The following SBF2 variants were observed in gnomAD, a reference collection of about 807,000 sequenced individuals.
SBF2 encodes the protein myotubularin-related protein 13.
SBF2 carries 112 observed loss-of-function variants against 225.2 expected under a neutral mutation model. The observed-to-expected ratio is 0.50, with a 90% confidence interval of 0.43 to 0.58. The LOEUF (loss-of-function observed/expected upper bound fraction) is 0.58, where lower values mean the gene tolerates loss of function less well. Among genes scored for constraint, SBF2 ranks in the 20% least tolerant of loss-of-function variants. The pLI is 0.00. For missense variants in SBF2, 1,996 were observed against 2,206.2 expected, an observed-to-expected ratio of 0.90 and a Z score of 1.91; for synonymous variants, 763 against 773.3, an observed-to-expected ratio of 0.99 and a Z score of 0.22.
intron 2 of SBF2, among the ~76,000 whole-genome samples, chr11:10,074,556 G>A (rs562031787): frequency 1.3e-5 from 2 of 152,088 alleles, no homozygotes; most frequent in African/African-American, 2.4e-5. Context: ...CAAAGTCTGT[G>A]ATAGCTATAT....
chr11:9,784,143 G>A (rs1484503818), intron 38 of SBF2, among the ~76,000 whole-genome samples: 1 of 152,136 alleles, frequency 6.6e-6, no homozygotes, highest in Non-Finnish European at 1.5e-5. Flanking sequence ...CATGTACCAG[G>A]CCGAGCTACT....
chr11:10,220,092 A>G (rs190261859), intron 1 of SBF2, among the ~76,000 whole-genome samples: 1 of 152,336 alleles, frequency 6.6e-6, no homozygotes, highest in East Asian at 1.9e-4. Context: ...TTTAAAAAGG[A>G]AAGAAGTTTA....
At chr11:10,143,503 T>C (rs1356650320) in intron 2 of SBF2, among the ~76,000 whole-genome samples, 3 of 152,166 alleles carry the variant, frequency 2.0e-5, no homozygotes, top group Non-Finnish European at 4.4e-5. Flanking sequence ...CTGTGTGATA[T>C]AATCCCATGA....
chr11:10,259,119 T>C (rs1474097953), intron 1 of SBF2, among the ~76,000 whole-genome samples: 2 of 152,182 alleles, frequency 1.3e-5, no homozygotes, highest in Non-Finnish European at 2.9e-5. Context: ...TGTCTTTTCC[T>C]TGCAACCAAC....
At chr11:9,963,181 T>C (rs1410026816) in intron 15 of SBF2, among the ~76,000 whole-genome samples, 1 of 152,198 alleles carries the variant, frequency 6.6e-6, no homozygotes, top group African/African-American at 2.4e-5. Context: ...ATGTTAAGTT[T>C]TGGCCAAGCA....
At chr11:10,280,631 C>G (rs895549050) in intron 1 of SBF2, among the ~76,000 whole-genome samples, 1 of 152,214 alleles carries the variant, frequency 6.6e-6, no homozygotes, top group Admixed American at 6.5e-5. Flanking sequence ...AACAAATCAT[C>G]TTAATATGCT....
At chr11:9,865,831 T>C (rs535309628) in intron 17 of SBF2, among the ~76,000 whole-genome samples, 1 of 151,940 alleles carries the variant, frequency 6.6e-6, no homozygotes, top group South Asian at 2.1e-4. Context: ...GTTTGGCTTA[T>C]AGAGTCTTGT....
At chr11:9,897,268 GCT>G (rs1861340393) in intron 16 of SBF2, among the ~76,000 whole-genome samples, 2 of 151,764 alleles carry the variant, frequency 1.3e-5, no homozygotes, top group African/African-American at 2.4e-5. Flanking sequence ...ACAGAGTCTT[GCT>G]CTGTCACCCA....
chr11:9,950,675 C>G (rs927667866), intron 16 of SBF2, among the ~76,000 whole-genome samples: 2 of 152,110 alleles, frequency 1.3e-5, no homozygotes, highest in African/African-American at 4.8e-5. Context: ...TCAACATGTC[C>G]GTCAACATTC....
chr11:10,150,925 CTAATA>C (rs1357770088), intron 2 of SBF2, among the ~76,000 whole-genome samples: 2 of 152,016 alleles, frequency 1.3e-5, no homozygotes, highest in Non-Finnish European at 2.9e-5. Flanking sequence ...GAGCAATTAT[CTAATA>C]TATTAAATTA....
intron 1 of SBF2, among the ~76,000 whole-genome samples, chr11:10,207,114 T>C (rs956818071): frequency 6.6e-6 from 1 of 152,128 alleles, no homozygotes; most frequent in African/African-American, 2.4e-5. Flanking sequence ...ACATTTTACC[T>C]ACAGGATAAC....
chr11:10,088,270 C>A (rs967346611), intron 2 of SBF2, among the ~76,000 whole-genome samples: 1 of 152,130 alleles, frequency 6.6e-6, no homozygotes, highest in African/African-American at 2.4e-5. Context: ...AGCAATCCGC[C>A]TACCTCAGCC....
At chr11:10,085,670 T>G (rs1054173600) in intron 2 of SBF2, among the ~76,000 whole-genome samples, 10 of 152,240 alleles carry the variant, frequency 6.6e-5, no homozygotes, top group African/African-American at 2.4e-4. Context: ...ATTCAGGTTC[T>G]GACTTTTCTT....
chr11:10,112,469 G>A (rs1044147078), intron 2 of SBF2, among the ~76,000 whole-genome samples: 6 of 152,088 alleles, frequency 3.9e-5, no homozygotes, highest in African/African-American at 1.2e-4. Flanking sequence ...CTTGCCTTCC[G>A]CCATGATTGT....
chr11:9,951,768 G>A (rs1269525569), intron 16 of SBF2, among the ~76,000 whole-genome samples: 1 of 152,168 alleles, frequency 6.6e-6, no homozygotes, highest in Non-Finnish European at 1.5e-5. Context: ...AATTATAAGT[G>A]CTGACTGGAT....
chr11:10,233,048 T>C (rs1043037655), intron 1 of SBF2, among the ~76,000 whole-genome samples: 6 of 152,258 alleles, frequency 3.9e-5, no homozygotes, highest in African/African-American at 1.4e-4. Flanking sequence ...AAAACATAAA[T>C]GGTCTACACC....
Position 9,780,363 on chromosome 11 carries a change from A to T in SBF2, c.*55T>A. The T allele has an allele frequency of 6.8e-7, 1 of 1,460,206 alleles. No individual in the cohort carries two copies. The highest frequency in any genetic ancestry group is 9.6e-7 in the Non-Finnish European group (1 of 1,045,040). The allele number at this position is 1,460,206 out of a possible 1,614,324, so 90.5% of individuals were successfully genotyped here. On this transcript the variant is annotated 3_prime_UTR_variant, in exon 40 of 40. Transcript: ENST00000256190. ...CTCAAGGATCCATGCTTCTTTTTCT[A>T]TCTATCTGGCAGCATGAGTTCTTCT... is the stretch of plus-strand genomic sequence containing the variant.
At chr11:10,290,855 G>C (rs1474184257) in intron 1 of SBF2, among the ~76,000 whole-genome samples, 1 of 152,120 alleles carries the variant, frequency 6.6e-6, no homozygotes. Context: ...CCATTAACAG[G>C]ACCTGGAAGG....
At chr11:10,240,260 A>AAC (rs1491581874) in intron 1 of SBF2, among the ~76,000 whole-genome samples, 2 of 82,356 alleles carry the variant, frequency 2.4e-5, no homozygotes, top group African/African-American at 1.1e-4. Flanking sequence ...TTAAAAGAAC[A>AAC]AAAAAAAAAA....
Sources: gnomAD v4.1 joint callset for allele counts (sites outside exome capture counted in the v4.1 genomes callset) on GRCh38, gnomAD v4.1.1 for gene constraint, MANE v1.5 for transcripts, NCBI Gene and HGNC (gene_info 2026-07-23, HGNC 2026-07-21) for gene names.